PARVB: variants seen among roughly 807,000 people sequenced by gnomAD.
PARVB encodes beta-parvin.
In PARVB, 46 loss-of-function variants were observed where a neutral mutation model predicts 47.0. That is an observed-to-expected ratio of 0.98 (90% CI 0.77 to 1.25). The LOEUF (loss-of-function observed/expected upper bound fraction) is 1.25. PARVB is among the 50% of genes most tolerant of loss of function. PARVB has a pLI of 0.00. For missense variants in PARVB, 473 were observed against 471.6 expected (o/e 1.00, Z -0.03); for synonymous variants, 196 against 196.3 (o/e 1.00, Z 0.01).
intron 1 of PARVB, among the ~76,000 whole-genome samples, chr22:44,082,386 G>A (rs1336174602): frequency 6.6e-6 from 1 of 152,120 alleles, no homozygotes; most frequent in African/African-American, 2.4e-5. Context: ...GGGTGTGGTG[G>A]TGCACACTTG....
At chr22:44,038,170 G>A (rs555737085) in intron 1 of PARVB, among the ~76,000 whole-genome samples, 1 of 152,252 alleles carries the variant, frequency 6.6e-6, no homozygotes, top group Non-Finnish European at 1.5e-5. Context: ...CTGCATTCCT[G>A]TTTCAGGTTG....
At chr22:44,087,384 G>T (rs2147023847) in intron 1 of PARVB, among the ~76,000 whole-genome samples, 1 of 152,338 alleles carries the variant, frequency 6.6e-6, no homozygotes, top group South Asian at 2.1e-4. Context: ...CCCAGGACCT[G>T]TGGCTCAGCC....
Position 44,157,996 on chromosome 22 carries a change from G to C in PARVB, c.858G>C (p.Val286=). 1 of 1,613,334 alleles carries C rather than the reference G, an allele frequency of 6.2e-7. No individual in the cohort carries two copies. The highest frequency in any genetic ancestry group is 2.2e-5 in the East Asian group (1 of 44,872). The change falls in exon 11 of 13, where the codon GTG becomes GTC. Residue 286 remains valine, a synonymous_variant. Coordinates refer to ENST00000338758, the MANE Select transcript of PARVB (RefSeq NM_013327.5). The part of the protein sequence containing the change: ...TELETQFADG[V]YLVLLMGLLE... ...TTTCTCTGCAGTTTGCAGATGGCGT[G>C]TACCTGGTTCTGCTCATGGGCCTTC...
chr22:44,021,116 T>C (rs971229112), upstream of PARVB, among the ~76,000 whole-genome samples: 6 of 152,206 alleles, frequency 3.9e-5, no homozygotes, highest in Non-Finnish European at 8.8e-5. Flanking sequence ...CTTCATTGGC[T>C]AAGCACAATT....
rs370675906 is a variant in PARVB, at chr22:44,151,561, G to A, written c.843+10G>A. On this transcript the variant is annotated intron_variant, in intron 10 of 12. Coordinates refer to ENST00000338758, the MANE Select transcript of PARVB (RefSeq NM_013327.5). ...GGAACTGGAGACCCAGGTATGTGCT[G>A]CTTTGGCTTGAAGGATCCTTTGTCC... The A allele has an allele frequency of 1.6e-5, 26 of 1,608,382 alleles. No individual in the cohort carries two copies. Among genetic ancestry groups the A allele is most frequent in the Non-Finnish European group, 2.1e-5 (25 of 1,174,730 alleles).
At chr22:44,017,395 C>T (rs2050595071) in intron 2 of PARVB, among the ~76,000 whole-genome samples, 1 of 152,124 alleles carries the variant, frequency 6.6e-6, no homozygotes, top group Non-Finnish European at 1.5e-5. Flanking sequence ...TAGCGAGTAC[C>T]ACGCTTGCAT....
At position 44,082,196 on chromosome 22, in the gene PARVB, C is replaced by T. The variant is rs147597125; in HGVS notation, c.113-11732C>T. ...GGGCACTGGGCGGTAGGTTCCCGTG[C>T]TCCGGAAGGGTGGCAATTGAAGGGA... On this transcript the variant is annotated intron_variant, in intron 1 of 12. Transcript: ENST00000338758. Among the ~76,000 whole-genome samples the T allele has an allele frequency of 3.6e-3, 550 of 152,276 alleles. 2 individuals are homozygous for T. Among genetic ancestry groups the T allele is most frequent in the Non-Finnish European group, 5.1e-3 (346 of 68,028 alleles).
At chr22:44,148,244 C>T (rs764428395) in intron 9 of PARVB, 5 of 384,200 alleles carry the variant, frequency 1.3e-5, no homozygotes, top group East Asian at 1.2e-4. Flanking sequence ...CTGCTGCTCT[C>T]GCTGGCCTCA....
chr22:44,014,135 T>C (rs2050553241), intron 2 of PARVB, among the ~76,000 whole-genome samples: 1 of 152,184 alleles, frequency 6.6e-6, no homozygotes, highest in African/African-American at 2.4e-5. Context: ...GGTCCTGTGT[T>C]TGGGTACTAT....
At chr22:44,010,251 C>A (rs950523524) in intron 2 of PARVB, among the ~76,000 whole-genome samples, 1 of 152,162 alleles carries the variant, frequency 6.6e-6, no homozygotes, top group African/African-American at 2.4e-5. Context: ...ATGAATGAAT[C>A]CATGAGTGTG....
intron 1 of PARVB, among the ~76,000 whole-genome samples, chr22:44,029,864 C>T (rs1412062482): frequency 6.6e-6 from 1 of 151,802 alleles, no homozygotes; most frequent in Non-Finnish European, 1.5e-5. Flanking sequence ...GAGCTGAGAT[C>T]GCGCCACTGC....
chr22:44,098,341 G>A (rs1446812033), intron 2 of PARVB, among the ~76,000 whole-genome samples: 1 of 152,176 alleles, frequency 6.6e-6, no homozygotes, highest in Non-Finnish European at 1.5e-5. Context: ...CTTTGGGGCT[G>A]GAGAGCTTGG....
In PARVB at chr22:44,037,683, C is replaced by T. The variant is rs1051682325; in HGVS notation, c.112+13232C>T. ...TCCAGGCAGTGTGGCTCTTCATTGCCGCTGACCCTGCTTAAACTGGAAGAA... is the reference window on the plus strand; with the variant it reads ...TCCAGGCAGTGTGGCTCTTCATTGCTGCTGACCCTGCTTAAACTGGAAGAA... On this transcript the variant is annotated intron_variant, in intron 1 of 12. Transcript: ENST00000338758. Among the ~76,000 whole-genome samples, 56 of 152,256 alleles carry T rather than the reference C, an allele frequency of 3.7e-4. 1 individual carries two copies. The highest frequency in any genetic ancestry group is 5.7e-4 in the Non-Finnish European group (39 of 68,010).
intron 2 of PARVB, among the ~76,000 whole-genome samples, chr22:44,002,546 C>T (rs935667119): frequency 2.0e-5 from 3 of 151,924 alleles, no homozygotes; most frequent in Non-Finnish European, 2.9e-5. Context: ...GAGGCGGGTG[C>T]GTGGTCTCTG....
intron 5 of PARVB, among the ~76,000 whole-genome samples, chr22:44,132,243 G>A (rs1488003514): frequency 6.6e-6 from 1 of 152,194 alleles, no homozygotes; most frequent in Non-Finnish European, 1.5e-5. Context: ...CCTGGAGCCT[G>A]GCCTTGCACC....
chr22:44,069,571 C>G (rs1401347362), intron 1 of PARVB, among the ~76,000 whole-genome samples: 1 of 152,080 alleles, frequency 6.6e-6, no homozygotes, highest in Non-Finnish European at 1.5e-5. Context: ...TCTTGTCACC[C>G]AGGCTGGAGT....
chr22:44,023,537 C>CAAAACAAAATAAAAT (rs1416034853), upstream of PARVB, among the ~76,000 whole-genome samples: 7 of 127,300 alleles, frequency 5.5e-5, no homozygotes, highest in Non-Finnish European at 1.0e-4. Context: ...TAAAACAAAA[C>CAAAACAAAATAAAAT]AAAATAAAAT....
intron 1 of PARVB, among the ~76,000 whole-genome samples, chr22:44,044,838 A>G (rs1449519868): frequency 6.6e-6 from 1 of 152,204 alleles, no homozygotes; most frequent in East Asian, 1.9e-4. Context: ...GGTAAGAAAT[A>G]TATTTCCATA....
chr22:44,069,121 T>C, intron 1 of PARVB: 1 of 1,612,406 alleles, frequency 6.2e-7, no homozygotes, highest in East Asian at 2.2e-5. Flanking sequence ...CCGCCGGCTG[T>C]GCTGGTCTGC....
Sources: allele counts gnomAD v4.1 joint callset (sites outside exome capture counted in the v4.1 genomes callset), GRCh38; gene constraint gnomAD v4.1.1; transcripts MANE v1.5; gene names NCBI Gene and HGNC (gene_info 2026-07-23, HGNC 2026-07-21).